The following HS6ST3 variants were observed in gnomAD, a reference collection of about 807,000 sequenced individuals.
HS6ST3 encodes the protein heparan-sulfate 6-O-sulfotransferase 3.
A neutral mutation model predicts 36.7 loss-of-function variants in HS6ST3; 12 were observed. The observed-to-expected ratio is 0.33, with a 90% CI of 0.21 to 0.53. The LOEUF (loss-of-function observed/expected upper bound fraction) is 0.53, where lower values mean the gene tolerates loss of function less well. Ranked by LOEUF, HS6ST3 falls within the 20% of genes least tolerant of loss-of-function variation. HS6ST3 has a pLI of 0.95. For synonymous variants in HS6ST3, 240 were observed against 257.5 expected, an observed-to-expected ratio of 0.93 and a Z score of 0.65; for missense variants, 584 against 640.9, an observed-to-expected ratio of 0.91 and a Z score of 0.96.
intron 1 of HS6ST3, among the ~76,000 whole-genome samples, chr13:96,439,436 T>C (rs1423167589): frequency 6.6e-6 from 1 of 152,208 alleles, no homozygotes; most frequent in Non-Finnish European, 1.5e-5. Context: ...ATATGTTTAG[T>C]GGTTTGTTCA....
chr13:96,722,337 G>A (rs1448304912), intron 1 of HS6ST3, among the ~76,000 whole-genome samples: 2 of 152,126 alleles, frequency 1.3e-5, no homozygotes, highest in Non-Finnish European at 2.9e-5. Flanking sequence ...ATATTCCATA[G>A]GATATTGCAT....
At chr13:96,740,628 T>C (rs1319842150) in intron 1 of HS6ST3, among the ~76,000 whole-genome samples, 1 of 152,174 alleles carries the variant, frequency 6.6e-6, no homozygotes, top group South Asian at 2.1e-4. Flanking sequence ...CTGCTAGTGA[T>C]ATGGTAATTT....
chr13:96,764,445 G>A (rs1877046069), intron 1 of HS6ST3, among the ~76,000 whole-genome samples: 1 of 152,238 alleles, frequency 6.6e-6, no homozygotes. Flanking sequence ...GAGATAGTGA[G>A]TTAAGCGTGC....
chr13:96,260,861 A>G (rs1450951645), intron 1 of HS6ST3, among the ~76,000 whole-genome samples: 2 of 151,746 alleles, frequency 1.3e-5, no homozygotes, highest in Non-Finnish European at 2.9e-5. Flanking sequence ...GCTGGTCGCG[A>G]ACTTCTGGCC....
At chr13:96,343,985 G>C (rs750173500) in intron 1 of HS6ST3, among the ~76,000 whole-genome samples, 1 of 152,008 alleles carries the variant, frequency 6.6e-6, no homozygotes, top group Admixed American at 6.6e-5. Flanking sequence ...CTTGTGATCC[G>C]CCTGCCTCAG....
At chr13:96,770,657 T>C (rs765038228) in intron 1 of HS6ST3, among the ~76,000 whole-genome samples, 53 of 152,218 alleles carry the variant, frequency 3.5e-4, no homozygotes, top group Non-Finnish European at 6.6e-4. Flanking sequence ...TAAATGGGTA[T>C]TGAATTAGAG....
chr13:96,151,095 C>A (rs1379341436), intron 1 of HS6ST3, among the ~76,000 whole-genome samples: 3 of 151,900 alleles, frequency 2.0e-5, no homozygotes, highest in Non-Finnish European at 4.4e-5. Context: ...TCTAGCCAGT[C>A]CACTAAAAAA....
Position 96,090,588 on chromosome 13 carries a change from C to T in HS6ST3, c.-275C>T, listed in dbSNP as rs1218147954. On this transcript the variant is annotated 5_prime_UTR_variant, in exon 1 of 2. Transcript: ENST00000376705. Reference sequence around the variant, plus strand: ...CGCCGGGGCGGGAGCAGGGAGCGGGCCGGCCCGGGCGCACCCGGGAGCGCA... The same window carrying T: ...CGCCGGGGCGGGAGCAGGGAGCGGGTCGGCCCGGGCGCACCCGGGAGCGCA... Among the ~76,000 whole-genome samples the T allele has an allele frequency of 6.9e-6, 1 of 145,910 alleles. No homozygotes were observed. Among genetic ancestry groups the T allele is most frequent in the African/African-American group, 2.5e-5 (1 of 40,746 alleles).
chr13:96,276,497 C>T (rs1002466759), intron 1 of HS6ST3, among the ~76,000 whole-genome samples: 1 of 152,168 alleles, frequency 6.6e-6, no homozygotes, highest in Admixed American at 6.6e-5. Context: ...AATTCTGAAA[C>T]TCAGTTTCTT....
rs202082640 is a variant in HS6ST3, at chr13:96,737,391, C to T, written c.708-95099C>T. Among the ~76,000 whole-genome samples, 40 of 151,090 alleles carry T rather than the reference C, an allele frequency of 2.6e-4. No individual in the cohort carries two copies. The East Asian group carries it at 7.2e-3, about 27-fold the overall frequency. On this transcript the variant is annotated intron_variant, in intron 1 of 1. Coordinates refer to ENST00000376705, the MANE Select transcript of HS6ST3 (RefSeq NM_153456.4). ...CTGTAATCCCAGCACTTTGGGAGGC[C>T]GAGGCGGGTGGATCATGAGGTCAGG...
At chr13:96,301,802 C>T (rs1270306838) in intron 1 of HS6ST3, among the ~76,000 whole-genome samples, 1 of 150,958 alleles carries the variant, frequency 6.6e-6, no homozygotes, top group Non-Finnish European at 1.5e-5. Context: ...CCCAGCTACT[C>T]GGCAGGGAGA....
chr13:96,458,651 A>AG (rs568625679), intron 1 of HS6ST3, among the ~76,000 whole-genome samples: 119 of 152,272 alleles, frequency 7.8e-4, no homozygotes, highest in African/African-American at 2.7e-3. Context: ...AAAAAAAAAA[A>AG]AAGAATGGTC....
intron 1 of HS6ST3, among the ~76,000 whole-genome samples, chr13:96,261,912 C>G (rs1380973629): frequency 6.6e-6 from 1 of 152,184 alleles, no homozygotes; most frequent in Non-Finnish European, 1.5e-5. Flanking sequence ...TACAAGAACA[C>G]AGGTAACCTG....
chr13:96,823,689 G>A (rs9516765), intron 1 of HS6ST3, among the ~76,000 whole-genome samples: 11,989 of 151,692 alleles, frequency 0.079, 622 homozygotes, highest in African/African-American at 0.15. Context: ...GTGCAATCTC[G>A]GCTCACTGCA....
chr13:96,480,943 T>C (rs74106473), intron 1 of HS6ST3, among the ~76,000 whole-genome samples: 4,251 of 152,268 alleles, frequency 0.028, 209 homozygotes, highest in East Asian at 0.19. Flanking sequence ...AACTAAATGC[T>C]TTGGACATCT....
chr13:96,100,573 G>A (rs1415432272), intron 1 of HS6ST3, among the ~76,000 whole-genome samples: 1 of 152,196 alleles, frequency 6.6e-6, no homozygotes, highest in Non-Finnish European at 1.5e-5. Context: ...GTAGGAGAGA[G>A]CCGAAGGAGA....
chr13:96,698,742 A>C (rs150841485), intron 1 of HS6ST3, among the ~76,000 whole-genome samples: 84 of 152,308 alleles, frequency 5.5e-4, no homozygotes, highest in African/African-American at 2.0e-3. Context: ...TCTTCACAGA[A>C]TTGGAAAAAA....
chr13:96,464,244 C>G (rs557951960), intron 1 of HS6ST3, among the ~76,000 whole-genome samples: 3 of 151,114 alleles, frequency 2.0e-5, no homozygotes, highest in East Asian at 2.0e-4. Context: ...TCCTTACCCC[C>G]CTACCCAGTT....
intron 1 of HS6ST3, among the ~76,000 whole-genome samples, chr13:96,536,991 C>A (rs890027767): frequency 1.3e-5 from 2 of 152,156 alleles, no homozygotes; most frequent in Admixed American, 1.3e-4. Flanking sequence ...ATGTAAGAAT[C>A]CTCTGCGAAG....
Sources: gnomAD v4.1 joint callset for allele counts (sites outside exome capture counted in the v4.1 genomes callset) on GRCh38, gnomAD v4.1.1 for gene constraint, MANE v1.5 for transcripts, NCBI Gene and HGNC (gene_info 2026-07-23, HGNC 2026-07-21) for gene names.